Variants in IQGAP3 observed in about 807,000 individuals in gnomAD.
The protein encoded by IQGAP3 is ras GTPase-activating-like protein IQGAP3.
A neutral mutation model predicts 208.2 loss-of-function variants in IQGAP3; 165 were observed. The ratio of observed to expected loss-of-function variants is 0.79; its 90% CI spans 0.70 to 0.90. IQGAP3 has a LOEUF of 0.90. Among genes scored for constraint, IQGAP3 ranks in the 40% least tolerant of loss-of-function variants. IQGAP3 has a pLI of 0.00. For synonymous variants in IQGAP3, 703 were observed against 803.6 expected (o/e 0.87, Z 2.12); for missense variants, 1,811 against 2,043.1 (o/e 0.89, Z 2.19).
At chr1:156,545,020 G>T (rs1191876635) in intron 19 of IQGAP3, among the ~76,000 whole-genome samples, 6 of 152,146 alleles carry the variant, frequency 3.9e-5, no homozygotes, top group African/African-American at 1.2e-4. Flanking sequence ...TGGGCAGCAG[G>T]TCACTAATGC....
rs1452951169 is a variant in IQGAP3, at chr1:156,525,788, A to G, written c.*698T>C. The G allele has an allele frequency of 6.6e-6, 1 of 151,538 alleles. No individual in the cohort carries two copies. Among genetic ancestry groups the G allele is most frequent in the Admixed American group, 6.6e-5 (1 of 15,188 alleles). The allele number at this position is 151,538 out of a possible 1,614,324, so 9.4% of individuals were successfully genotyped here. ...TTAAAACCCTGATTAAGTCTGCACA[A>G]TGATCCAGAGTGTAAGGATGGGAGA... On this transcript the variant is annotated 3_prime_UTR_variant, in exon 38 of 38. Coordinates refer to ENST00000361170, the MANE Select transcript of IQGAP3 (RefSeq NM_178229.5).
chr1:156,570,595 T>C (rs548566094), intron 1 of IQGAP3, among the ~76,000 whole-genome samples: 1 of 152,350 alleles, frequency 6.6e-6, no homozygotes, highest in South Asian at 2.1e-4. Context: ...CTTGACCTCC[T>C]GGGCTCAGGT....
At chr1:156,536,351 G>A (rs1272800685) in intron 27 of IQGAP3, among the ~76,000 whole-genome samples, 1 of 4,108 alleles carries the variant, frequency 2.4e-4, no homozygotes, top group Non-Finnish European at 0.031. Flanking sequence ...TTCGTGTTAA[G>A]TGACATACAT....
intron 11 of IQGAP3, among the ~76,000 whole-genome samples, chr1:156,560,649 C>T (rs1262876591): frequency 1.3e-5 from 2 of 152,182 alleles, no homozygotes; most frequent in Non-Finnish European, 2.9e-5. Flanking sequence ...CAGGTTGAAA[C>T]TGTCAAAATT....
At chr1:156,564,430 C>T (rs1235316636) in intron 5 of IQGAP3, among the ~76,000 whole-genome samples, 185 bp downstream of exon 5, 3 of 152,182 alleles carry the variant, frequency 2.0e-5, no homozygotes, top group African/African-American at 7.2e-5. Flanking sequence ...ACAGGCCATA[C>T]ATAAATGTGC....
In IQGAP3 at chr1:156,534,604, C is replaced by T. The variant is rs752486044; in HGVS notation, c.3637G>A (p.Ala1213Thr). 1 of 1,612,506 alleles carries T rather than the reference C, an allele frequency of 6.2e-7. No individual in the cohort carries two copies. The highest frequency in any genetic ancestry group is 8.5e-7 in the Non-Finnish European group (1 of 1,179,750). Residue 1213 changes from alanine to threonine, a missense_variant, in exon 29 of 38, where the codon GCT becomes ACT. Physicochemically the swap from Ala to Thr is moderately conservative, Grantham distance 58 (BLOSUM62 0). Transcript: ENST00000361170. ...APQRHALGAV[A>T]QLLQHAAAGK... ...GCCGCAGCGTGCTGTAGGAGCTGAG[C>T]CACAGCCCCCAGGGCATGGCGCTGG...
Position 156,525,729 on chromosome 1 carries a change from C to CAAAAAAAAAAAAAAAAAAAAAAA in IQGAP3, c.*734_*756dup. On this transcript the variant is annotated 3_prime_UTR_variant, in exon 38 of 38. Transcript: ENST00000361170. ...GGAAAATGAGAACTCTCTTTGAGCTCAAAAAAAAAAAAAAAAAAAAAAAAA... is the reference window on the plus strand; with the variant it reads ...GGAAAATGAGAACTCTCTTTGAGCTCAAAAAAAAAAAAAAAAAAAAAAAAAAAAAAAAAAAAAAAAAAAAAAAA... 1.2e-5 allele frequency: 1 copy of CAAAAAAAAAAAAAAAAAAAAAAA among 80,412 alleles called. No homozygotes were observed. The highest frequency in any genetic ancestry group is 2.2e-5 in the Non-Finnish European group (1 of 45,226). The allele number at this position is 80,412 out of a possible 1,614,324, so 5.0% of individuals were successfully genotyped here.
chr1:156,527,481 AAAAC>A (rs1390466725), intron 37 of IQGAP3, among the ~76,000 whole-genome samples: 1 of 152,118 alleles, frequency 6.6e-6, no homozygotes, highest in African/African-American at 2.4e-5. Context: ...CCGTCTCAAG[AAAAC>A]AAACAAACAA....
At position 156,554,466 on chromosome 1, in the gene IQGAP3, C is replaced by T. The variant is rs1485363760; in HGVS notation, c.1291-74G>A. 6.3e-6 allele frequency: 9 copies of T among 1,425,562 alleles called. No homozygotes were observed. In the South Asian group the frequency reaches 8.8e-5, roughly 14 times the overall value. 88.3% of individuals were successfully genotyped at this position (1,425,562 alleles called of 1,614,324 possible). The stretch of plus-strand genomic sequence containing the variant: ...AAAGGCCTATTCACCATCCTGCCCC[C>T]AAGGTTCTTGAATATCCCAGAGTCT... On this transcript the variant is annotated intron_variant, in intron 12 of 37. Coordinates refer to ENST00000361170, the MANE Select transcript of IQGAP3 (RefSeq NM_178229.5).
Position 156,530,280 on chromosome 1 carries a change from G to T in IQGAP3, c.4229C>A (p.Ala1410Asp), listed in dbSNP as rs1044754353. ...TGGCTCCGGTGTCTGGGCTGTACAG[G>T]CCTGGCGTCGGCTCATCAGCTGCTT... is the stretch of plus-strand genomic sequence containing the variant. Reference protein sequence around the residue: ...AHKQLMSRRQACTAQTPEPLR... With the variant: ...AHKQLMSRRQDCTAQTPEPLR... The change falls in exon 34 of 38, where the codon GCC (alanine) becomes GAC (aspartate). Residue 1410 changes from alanine to aspartate, a missense_variant. Physicochemically the swap from Ala to Asp is moderately radical, Grantham distance 126. Transcript: ENST00000361170. 6.2e-7 allele frequency: 1 copy of T among 1,611,222 alleles called. No homozygotes were observed. The highest frequency in any genetic ancestry group is 1.1e-5 in the South Asian group (1 of 90,836).
In IQGAP3 at chr1:156,563,750, G is replaced by C; in HGVS notation, c.505+7C>G. The C allele has an allele frequency of 6.2e-7, 1 of 1,613,320 alleles. No individual in the cohort carries two copies. The highest frequency in any genetic ancestry group is 8.5e-7 in the Non-Finnish European group (1 of 1,179,480). On this transcript the variant is annotated splice_region_variant and intron_variant, in intron 6 of 37. Transcript: ENST00000361170. ...GCTGTGGTGGTCAGGGAAGGAGCTG[G>C]GCTTACCTGTGAATTTCACTTTCCC...
At chr1:156,570,480 C>T (rs1424167336) in intron 1 of IQGAP3, among the ~76,000 whole-genome samples, 4 of 152,194 alleles carry the variant, frequency 2.6e-5, no homozygotes, top group Non-Finnish European at 2.9e-5. Context: ...TAGCCATGAT[C>T]GTGCCACTGC....
At chr1:156,568,838 C>G (rs1416217460) in intron 2 of IQGAP3, among the ~76,000 whole-genome samples, 1 of 152,032 alleles carries the variant, frequency 6.6e-6, no homozygotes, top group African/African-American at 2.4e-5. Context: ...AGACACCCAT[C>G]TCTAAAAAAC....
At chr1:156,551,638 G>T in intron 15 of IQGAP3, 67 bp downstream of exon 15, 1 of 1,493,350 alleles carries the variant, frequency 6.7e-7, no homozygotes, top group Non-Finnish European at 9.1e-7. Flanking sequence ...GCCAGACTGG[G>T]TACAGTGCAA....
At chr1:156,531,308 G>T in intron 32 of IQGAP3, 61 bp from the exon 33 acceptor site, 3 of 1,279,002 alleles carry the variant, frequency 2.3e-6, no homozygotes, top group South Asian at 2.4e-5. Context: ...CTGGACATGG[G>T]ACTGGCCAGA....
chr1:156,533,958 T>A (rs1185855153), intron 30 of IQGAP3, 51 bp downstream of exon 30: 2 of 1,610,266 alleles, frequency 1.2e-6, no homozygotes, highest in Admixed American at 3.3e-5. Flanking sequence ...CATCACAGGC[T>A]ACCAAACCCT....
rs1674561390 is a variant in IQGAP3, at chr1:156,534,055, T to G, written c.3827A>C (p.Lys1276Thr). ...DEYSDMVAVA[K>T]PMVYITVGEL... Reference sequence around the variant, plus strand: ...CCCCACGGTGATGTACACCATGGGTTTGGCCACAGCCACCATGTCTGAGTA... The same window carrying G: ...CCCCACGGTGATGTACACCATGGGTGTGGCCACAGCCACCATGTCTGAGTA... Residue 1276 changes from lysine to threonine, a missense_variant, in exon 30 of 38, where the codon AAA becomes ACA. Transcript: ENST00000361170. 1 of 1,614,004 alleles carries G rather than the reference T, an allele frequency of 6.2e-7. No individual in the cohort carries two copies. The highest frequency in any genetic ancestry group is 1.7e-5 in the Admixed American group (1 of 60,014).
intron 28 of IQGAP3, 61 bp downstream of exon 28, chr1:156,535,102 T>C: frequency 8.1e-7 from 1 of 1,229,144 alleles, no homozygotes. Flanking sequence ...AGTCTGGGGA[T>C]TGCAGGTACC....
At chr1:156,534,379 C>A in intron 29 of IQGAP3, 122 bp downstream of exon 29, 3 of 922,866 alleles carry the variant, frequency 3.3e-6, no homozygotes, top group Non-Finnish European at 4.9e-6. Context: ...TCCTCCACCC[C>A]GCTCATTATG....
Sources: allele counts gnomAD v4.1 joint callset (sites outside exome capture counted in the v4.1 genomes callset), GRCh38; gene constraint gnomAD v4.1.1; transcripts MANE v1.5; gene names NCBI Gene and HGNC (gene_info 2026-07-23, HGNC 2026-07-21).